The following BDP1 variants were observed in gnomAD, a reference collection of about 807,000 sequenced individuals.
The protein encoded by BDP1 is transcription factor TFIIIB component B'' homolog.
Under a neutral mutation model 266.6 loss-of-function variants are expected in BDP1, and 169 were observed. The observed-to-expected ratio is 0.63, with a 90% CI of 0.56 to 0.72. The LOEUF (loss-of-function observed/expected upper bound fraction) is 0.72, where lower values mean the gene tolerates loss of function less well. Ranked by LOEUF, BDP1 falls within the 30% of genes least tolerant of loss-of-function variation. BDP1 has a pLI of 0.00. For missense variants in BDP1, 3,015 were observed against 3,053.8 expected (o/e 0.99, Z 0.30); for synonymous variants, 1,090 against 1,022.4 (o/e 1.07, Z -1.26).
chr5:71,574,975 A>G, the BDP1 span, among the ~76,000 whole-genome samples: 4 of 152,212 alleles, frequency 2.6e-5, no homozygotes, highest in East Asian at 1.9e-4. Flanking sequence ...GGCCCTTGCA[A>G]TTAACTTCTG....
chr5:71,501,897 CT>C (rs1221019919), intron 14 of BDP1, among the ~76,000 whole-genome samples: 2 of 151,924 alleles, frequency 1.3e-5, no homozygotes, highest in Non-Finnish European at 2.9e-5. Context: ...GTATATGCCC[CT>C]GGATAATTTT....
Position 71,556,898 on chromosome 5 carries a change from G to T in BDP1, c.7213G>T (p.Glu2405Ter). 6.9e-7 allele frequency: 1 copy of T among 1,452,160 alleles called. No homozygotes were observed. Among genetic ancestry groups the T allele is most frequent in the Non-Finnish European group, 9.2e-7 (1 of 1,087,294 alleles). 90.0% of individuals were successfully genotyped at this position (1,452,160 alleles called of 1,614,324 possible). A position where few individuals can be genotyped will look rare whatever the true frequency, so the allele number is the denominator to read the frequency against. ...TTTCTTAAAATAGGTGCACTCAAAGGAATTAACAAATGTTTTTGAGGAAAC... is the reference window on the plus strand; with the variant it reads ...TTTCTTAAAATAGGTGCACTCAAAGTAATTAACAAATGTTTTTGAGGAAAC... ...QEYTTEVHSK[E>*]LTNVFEETGE... is the part of the protein sequence containing the mutation. The change falls in exon 36 of 39, where the codon GAA (glutamate) becomes TAA (stop). Residue 2405 changes from glutamate (E) to a stop codon, truncating the protein, a stop_gained. Coordinates refer to ENST00000358731, the MANE Select transcript of BDP1 (RefSeq NM_018429.3). LOFTEE classifies it high-confidence loss of function.
chr5:71,555,428 T>C (rs1043421533), intron 35 of BDP1, among the ~76,000 whole-genome samples: 6 of 151,382 alleles, frequency 4.0e-5, no homozygotes, highest in African/African-American at 1.4e-4. Context: ...TGAATTTTTG[T>C]AGTTTTCTTT....
intron 2 of BDP1, among the ~76,000 whole-genome samples, chr5:71,460,876 A>T (rs1457652814): frequency 1.1e-4 from 5 of 47,384 alleles, no homozygotes; most frequent in Middle Eastern, 0.01. Context: ...ACTACAGGGT[A>T]AAAAAAAAGC....
chr5:71,470,418 A>G lies in BDP1; in HGVS notation c.943A>G (p.Ile315Val). 1 of 1,608,814 alleles carries G rather than the reference A, an allele frequency of 6.2e-7. No individual in the cohort carries two copies. The change falls in exon 7 of 39, where the codon ATC becomes GTC. Residue 315 changes from isoleucine (I) to valine (V), a missense_variant. Around this residue, in one of 3 missense-constraint regions of BDP1, gnomAD observed 2,383 missense variants for 2,404.9 expected, o/e 0.99. Coordinates refer to ENST00000358731, the MANE Select transcript of BDP1 (RefSeq NM_018429.3). ...AGAAACAGATATGTTTTTTTTAGCCATCAGCATGGTAGGAACTGACTTTTC... is the reference window on the plus strand; with the variant it reads ...AGAAACAGATATGTTTTTTTTAGCCGTCAGCATGGTAGGAACTGACTTTTC... The part of the protein sequence containing the change: ...NKETDMFFLA[I>V]SMVGTDFSMI...
chr5:71,577,570 GTA>G, the BDP1 span, among the ~76,000 whole-genome samples: 1 of 123,968 alleles, frequency 8.1e-6, no homozygotes, highest in Non-Finnish European at 1.9e-5. Flanking sequence ...ACCAAAGTGA[GTA>G]TCCATGGGAT....
intron 26 of BDP1, among the ~76,000 whole-genome samples, chr5:71,533,064 T>C (rs1766352518): frequency 6.6e-6 from 1 of 152,252 alleles, no homozygotes; most frequent in Non-Finnish European, 1.5e-5. Flanking sequence ...TTTCACTTAA[T>C]GTAACATTTT....
intron 11 of BDP1, 58 bp downstream of exon 11, chr5:71,491,189 G>T (rs1763570042): frequency 1.3e-6 from 2 of 1,502,944 alleles, no homozygotes; most frequent in Non-Finnish European, 9.2e-7. Context: ...AGAAAGGAGT[G>T]TTGAAGTCTC....
intron 25 of BDP1, among the ~76,000 whole-genome samples, chr5:71,525,130 G>T: frequency 6.6e-6 from 1 of 152,210 alleles, no homozygotes. Flanking sequence ...ATCATGGCCT[G>T]TTCTCAATGA....
chr5:71,529,028 T>TA (rs1766072637), intron 25 of BDP1, among the ~76,000 whole-genome samples: 1 of 152,218 alleles, frequency 6.6e-6, no homozygotes, highest in Non-Finnish European at 1.5e-5. Flanking sequence ...AGGCTTTCCT[T>TA]AGATTCTATT....
At chr5:71,529,699 A>G (rs1238459578) in intron 25 of BDP1, among the ~76,000 whole-genome samples, 1 of 152,192 alleles carries the variant, frequency 6.6e-6, no homozygotes, top group Admixed American at 6.5e-5. Flanking sequence ...TTTGAAGCAC[A>G]ATGGAATGTT....
chr5:71,563,750 C>CA lies in BDP1; in HGVS notation c.7744-1000dup, dbSNP rs1429308495. On this transcript the variant is annotated intron_variant, in intron 38 of 38. Transcript: ENST00000358731. ...CAACATGGCAAAACCCCATCTCTAC[C>CA]AAAATACAAAATTTAATCAGGCACG... Among the ~76,000 whole-genome samples the CA allele has an allele frequency of 6.6e-5, 10 of 152,198 alleles. No homozygotes were observed. In the East Asian group the frequency reaches 1.9e-3, roughly 29 times the overall value.
Position 71,522,163 on chromosome 5 carries a change from G to C in BDP1, c.4992-126G>C, listed in dbSNP as rs1405097347. On this transcript the variant is annotated intron_variant, in intron 22 of 38. Transcript: ENST00000358731. ...TTCATTTTACATGCTTGATTTTATT[G>C]CCAATTTATATATAGTCCTTTGAAC... is the stretch of plus-strand genomic sequence containing the variant. The C allele has an allele frequency of 5.9e-6, 4 of 681,690 alleles. No homozygotes were observed. In the African/African-American group the frequency reaches 7.3e-5, roughly 12 times the overall value. 42.2% of individuals were successfully genotyped at this position (681,690 alleles called of 1,614,324 possible).
At chr5:71,462,377 G>A (rs1296553695) in intron 3 of BDP1, among the ~76,000 whole-genome samples, 1 of 152,164 alleles carries the variant, frequency 6.6e-6, no homozygotes, top group African/African-American at 2.4e-5. Context: ...CTTTTAAATA[G>A]AATTTCATAA....
Position 71,458,853 on chromosome 5 carries a change from A to C in BDP1, c.487A>C (p.Lys163Gln). The C allele has an allele frequency of 6.2e-7, 1 of 1,605,360 alleles. No individual in the cohort carries two copies. Among genetic ancestry groups the C allele is most frequent in the Non-Finnish European group, 8.5e-7 (1 of 1,177,656 alleles). ...EMLKEELRKE[K>Q]KQWKNKYAIN... ...GTTAAAAGAAGAATTGAGAAAAGAG[A>C]AGGTAAGGGAGGAGAATCAGGATTT... Residue 163 changes from lysine (K) to glutamine (Q), a missense_variant and splice_region_variant, in exon 2 of 39, where the codon AAG becomes CAG. Physicochemically the swap from Lys to Gln is moderately conservative, Grantham distance 53 (BLOSUM62 1). Coordinates refer to ENST00000358731, the MANE Select transcript of BDP1 (RefSeq NM_018429.3).
Position 71,541,521 on chromosome 5 carries a change from T to C in BDP1, c.6090T>C (p.Asn2030=). ...GCCATATTCCTTCTAGCCTAGATAA[T>C]GTAAATCACAAAATTGTTCATGAAT... is the stretch of plus-strand genomic sequence containing the variant. ...DKSHIPSSLD[N]VNHKIVHECQ... Residue 2030 remains asparagine (N), a synonymous_variant, in exon 29 of 39, where the codon AAT becomes AAC. Transcript: ENST00000358731. The C allele has an allele frequency of 2.5e-6, 4 of 1,610,736 alleles. No individual in the cohort carries two copies. The highest frequency in any genetic ancestry group is 3.4e-6 in the Non-Finnish European group (4 of 1,177,526).
At chr5:71,533,906 A>G (rs920917338) in intron 26 of BDP1, among the ~76,000 whole-genome samples, 2 of 152,138 alleles carry the variant, frequency 1.3e-5, no homozygotes, top group Admixed American at 1.3e-4. Flanking sequence ...AGAAATGTCT[A>G]TTCAAATCTT....
At chr5:71,498,414 TTTTC>T (rs1028823456) in intron 13 of BDP1, among the ~76,000 whole-genome samples, 8 of 151,696 alleles carry the variant, frequency 5.3e-5, no homozygotes, top group East Asian at 1.9e-4. Context: ...TCTTTATTCT[TTTTC>T]TTTCTTTATT....
At chr5:71,541,152 G>A (rs1766940182) in intron 28 of BDP1, among the ~76,000 whole-genome samples, 1 of 151,932 alleles carries the variant, frequency 6.6e-6, no homozygotes, top group Non-Finnish European at 1.5e-5. Context: ...ATCCATCTGA[G>A]ATTATATAAT....
Sources: allele counts gnomAD v4.1 joint callset (sites outside exome capture counted in the v4.1 genomes callset), GRCh38; gene constraint gnomAD v4.1.1; regional missense constraint gnomAD v4.1.1; transcripts MANE v1.5; gene names NCBI Gene and HGNC (gene_info 2026-07-23, HGNC 2026-07-21).